Variants in PANK1 observed in about 807,000 individuals in gnomAD.
PANK1 encodes the protein pantothenate kinase 1.
A neutral mutation model predicts 40.1 loss-of-function variants in PANK1; 18 were observed. The observed-to-expected ratio is 0.45, with a 90% CI of 0.31 to 0.67. PANK1 has a LOEUF of 0.67. Among genes scored for constraint, PANK1 ranks in the 30% least tolerant of loss-of-function variants. The pLI is 0.06. For missense variants in PANK1, 457 were observed against 599.6 expected, an observed-to-expected ratio of 0.76 and a Z score of 2.48; for synonymous variants, 242 against 237.7, an observed-to-expected ratio of 1.02 and a Z score of -0.17.
downstream of PANK1, chr10:89,579,555 A>G (rs1186767998): frequency 6.6e-6 from 1 of 152,208 alleles, no homozygotes; most frequent in Non-Finnish European, 1.5e-5. Flanking sequence ...TATTCTAAGA[A>G]AAAGAAAATT....
At position 89,644,993 on chromosome 10, in the gene PANK1, G is replaced by A. The variant is rs772222260; in HGVS notation, c.-102C>T. On this transcript the variant is annotated 5_prime_UTR_variant, in exon 1 of 7. Coordinates refer to ENST00000307534, the MANE Select transcript of PANK1 (RefSeq NM_148977.3). ...TCCCCGGATCCTCCCTGCGGCTTCCGATTCAGCAGCCGCAGAGCCGGCGCC... is the reference window on the plus strand; with the variant it reads ...TCCCCGGATCCTCCCTGCGGCTTCCAATTCAGCAGCCGCAGAGCCGGCGCC... 16 of 1,571,264 alleles carry A rather than the reference G, an allele frequency of 1.0e-5. No individual in the cohort carries two copies. The highest frequency in any genetic ancestry group is 1.1e-5 in the Non-Finnish European group (13 of 1,162,222).
At chr10:89,617,927 A>T (rs371957928) in intron 1 of PANK1, among the ~76,000 whole-genome samples, 1 of 152,324 alleles carries the variant, frequency 6.6e-6, no homozygotes. Context: ...ACTGTTCAAG[A>T]CCTAAAAAAC....
In PANK1 at chr10:89,644,638, A is replaced by T. The variant is rs1385585154; in HGVS notation, c.254T>A (p.Leu85Gln). The change falls in exon 1 of 7, where the codon CTG (leucine) becomes CAG (glutamine). Residue 85 changes from leucine (L) to glutamine (Q), a missense_variant. Transcript: ENST00000307534. ...TCTCCCCGAGTCCATCCTCCTCCGC[A>T]GCCGGCATTTCTTGGCCGGGGAGTC... The part of the protein sequence containing the change: ...QHDSPAKKCR[L>Q]RRRMDSGRKN... The T allele has an allele frequency of 2.5e-6, 4 of 1,586,460 alleles. No homozygotes were observed. The highest frequency in any genetic ancestry group is 3.4e-6 in the Non-Finnish European group (4 of 1,171,978).
In PANK1 at chr10:89,595,829, AAAAAATATATATATATATATATATAT is replaced by A. The variant is rs1443804349; in HGVS notation, c.900-1866_900-1841del. On this transcript the variant is annotated intron_variant, in intron 3 of 6. Transcript: ENST00000307534. ...CGGACTCCATCTTAAAAAAAAAAAAAAAAAATATATATATATATATATATATATATATATATATATATATAACTTCA... is the reference window on the plus strand; with the variant it reads ...CGGACTCCATCTTAAAAAAAAAAAAAATATATATATATATATATAACTTCA... 2.1e-3 allele frequency among the ~76,000 whole-genome samples: 142 copies of A among 66,676 alleles called. 9 individuals carry two copies. Among genetic ancestry groups the A allele is most frequent in the African/African-American group, 9.4e-3 (123 of 13,118 alleles). The allele number at this position is 66,676 out of a possible 152,430, so 43.7% of individuals were successfully genotyped here.
chr10:89,601,389 G>C (rs2133945835), intron 2 of PANK1, among the ~76,000 whole-genome samples: 1 of 151,428 alleles, frequency 6.6e-6, no homozygotes, highest in East Asian at 1.9e-4. Flanking sequence ...GCTGAGGTGG[G>C]AGGATCACTC....
intron 1 of PANK1, among the ~76,000 whole-genome samples, chr10:89,634,886 CTT>C (rs1841757308): frequency 6.6e-6 from 1 of 152,178 alleles, no homozygotes; most frequent in Non-Finnish European, 1.5e-5. Flanking sequence ...CAGGTCAAGA[CTT>C]ATGACACAAG....
chr10:89,603,210 C>G (rs1310924746), intron 2 of PANK1, among the ~76,000 whole-genome samples: 1 of 152,150 alleles, frequency 6.6e-6, no homozygotes, highest in African/African-American at 2.4e-5. Flanking sequence ...ATCGTATAAT[C>G]ACCCCCGACC....
chr10:89,598,906 T>C (rs1459237270), intron 3 of PANK1, among the ~76,000 whole-genome samples: 1 of 152,216 alleles, frequency 6.6e-6, no homozygotes, highest in Non-Finnish European at 1.5e-5. Flanking sequence ...GAAGGTTCCT[T>C]CTGAAGTCAT....
chr10:89,635,141 T>TA lies in PANK1; in HGVS notation c.292+9458dup, dbSNP rs567527672. Among the ~76,000 whole-genome samples, 4 of 148,758 alleles carry TA rather than the reference T, an allele frequency of 2.7e-5. No individual in the cohort carries two copies. The Admixed American group carries it at 2.7e-4, about 10-fold the overall frequency. On this transcript the variant is annotated intron_variant, in intron 1 of 6. Coordinates refer to ENST00000307534, the MANE Select transcript of PANK1 (RefSeq NM_148977.3). Reference sequence around the variant, plus strand: ...ATCATTTAGCAAATATATATATATATATAGAGAGAGAGAGAGATAAAATGT... The same window carrying TA: ...ATCATTTAGCAAATATATATATATATAATAGAGAGAGAGAGAGATAAAATGT...
intron 3 of PANK1, among the ~76,000 whole-genome samples, chr10:89,596,306 C>T (rs1236465184): frequency 1.3e-5 from 2 of 152,110 alleles, no homozygotes; most frequent in Non-Finnish European, 2.9e-5. Flanking sequence ...TTGTATCAAT[C>T]GAGGCATTCA....
intron 1 of PANK1, chr10:89,626,559 C>T (rs1845668193): frequency 6.6e-6 from 1 of 152,372 alleles, no homozygotes; most frequent in Non-Finnish European, 1.5e-5. Flanking sequence ...CCGCCTCAGC[C>T]TCCCAAAGTG....
intron 2 of PANK1, among the ~76,000 whole-genome samples, chr10:89,601,424 C>T (rs934943965): frequency 1.3e-5 from 2 of 151,192 alleles, no homozygotes; most frequent in Non-Finnish European, 2.9e-5. Flanking sequence ...AAGGCTGCAG[C>T]GAGCCATGGT....
chr10:89,634,909 T>C (rs1841758331), intron 1 of PANK1, among the ~76,000 whole-genome samples: 1 of 152,180 alleles, frequency 6.6e-6, no homozygotes, highest in Non-Finnish European at 1.5e-5. Flanking sequence ...CCATGTGTCC[T>C]GCTTCTAGAA....
At chr10:89,587,479 G>T (rs1844229154) in intron 6 of PANK1, among the ~76,000 whole-genome samples, 1 of 152,140 alleles carries the variant, frequency 6.6e-6, no homozygotes, top group Non-Finnish European at 1.5e-5. Context: ...CTACTTAGGT[G>T]GATGCCACAA....
At position 89,642,823 on chromosome 10, in the gene PANK1, T is replaced by A. The variant is rs76474722; in HGVS notation, c.292+1777A>T. On this transcript the variant is annotated intron_variant, in intron 1 of 6. Transcript: ENST00000307534. ...ATCTGAGAGAAGAAAACATGGTAAA[T>A]AATGTAAATCCAATTTTGACGAACC... Among the ~76,000 whole-genome samples, 1,203 of 152,316 alleles carry A rather than the reference T, an allele frequency of 7.9e-3. 15 individuals carry two copies. Among genetic ancestry groups the A allele is most frequent in the African/African-American group, 0.028 (1,144 of 41,562 alleles).
rs548177072 is a variant in PANK1 at position 89,587,695 on chromosome 10, GGTAA to G, written c.1326+953_1326+956del. Reference sequence around the variant, plus strand: ...GGCGTTGGTCTCACATCAAAAGATTGGTAAGTAAGTGCACATTTACACATTTTAA... The same window carrying G: ...GGCGTTGGTCTCACATCAAAAGATTGGTAAGTGCACATTTACACATTTTAA... On this transcript the variant is annotated intron_variant, in intron 6 of 6. Coordinates refer to ENST00000307534, the MANE Select transcript of PANK1 (RefSeq NM_148977.3). Among the ~76,000 whole-genome samples, 19 of 152,194 alleles carry G rather than the reference GGTAA, an allele frequency of 1.2e-4. No homozygotes were observed. In the South Asian group the frequency reaches 3.7e-3, roughly 30 times the overall value.
intron 4 of PANK1, 29 bp from the exon 5 acceptor site, chr10:89,593,349 C>T: frequency 6.2e-7 from 1 of 1,608,618 alleles, no homozygotes; most frequent in Non-Finnish European, 8.5e-7. Context: ...CGAGAGTGTT[C>T]AAAATCGTCC....
intron 1 of PANK1, among the ~76,000 whole-genome samples, chr10:89,623,165 G>A (rs1055896110): frequency 1.3e-5 from 2 of 152,088 alleles, no homozygotes; most frequent in African/African-American, 4.8e-5. Context: ...ATCATGGATT[G>A]GGGTGATGTT....
chr10:89,631,147 A>G (rs1271663938), intron 1 of PANK1, among the ~76,000 whole-genome samples: 2 of 152,224 alleles, frequency 1.3e-5, no homozygotes, highest in Non-Finnish European at 2.9e-5. Flanking sequence ...GATGTCCCTA[A>G]ATTATTAGAA....
Sources: allele counts gnomAD v4.1 joint callset (sites outside exome capture counted in the v4.1 genomes callset), GRCh38; gene constraint gnomAD v4.1.1; transcripts MANE v1.5; gene names NCBI Gene and HGNC (gene_info 2026-07-23, HGNC 2026-07-21).